The following IGSF23 variants were observed in gnomAD, a reference collection of about 807,000 sequenced individuals.
IGSF23 encodes immunoglobulin superfamily member 23, also known as immunoglobulin superfamily, member 23.
IGSF23 carries 14 observed loss-of-function variants against 17.8 expected under a neutral mutation model. The observed-to-expected ratio is 0.79, with a 90% CI of 0.52 to 1.23. IGSF23 has a LOEUF of 1.23. Ranked by LOEUF, IGSF23 falls within the 50% of genes most tolerant of loss-of-function variation. The pLI is 0.00. For missense variants in IGSF23, 214 were observed against 241.7 expected (o/e 0.89, Z 0.76); for synonymous variants, 85 against 92.5 (o/e 0.92, Z 0.46).
In IGSF23 at chr19:44,627,667, A is replaced by C. The variant is rs1287526293; in HGVS notation, c.545+94A>C. On this transcript the variant is annotated intron_variant, in intron 3 of 4. Coordinates refer to ENST00000402988, the MANE Select transcript of IGSF23 (RefSeq NM_001205280.2). ...TCAACAAGGAAACAGAGATGAAACC[A>C]ACACCCCCATCAGGGAGGGTGATAG... 9.5e-6 allele frequency: 13 copies of C among 1,375,034 alleles called. No homozygotes were observed. In the African/African-American group the frequency reaches 1.9e-4, roughly 20 times the overall value. The allele number at this position is 1,375,034 out of a possible 1,614,324, so 85.2% of individuals were successfully genotyped here.
At chr19:44,615,184 A>G (rs905220176) in intron 1 of IGSF23, among the ~76,000 whole-genome samples, 1 of 151,960 alleles carries the variant, frequency 6.6e-6, no homozygotes, top group Admixed American at 6.6e-5. Flanking sequence ...AGCTACTCAG[A>G]AGGCTGAGGC....
At chr19:44,631,859 G>T (rs944542550) in intron 3 of IGSF23, among the ~76,000 whole-genome samples, 7 of 152,164 alleles carry the variant, frequency 4.6e-5, no homozygotes, top group African/African-American at 1.7e-4. Context: ...GGTGTTCCTT[G>T]CCCTCATTCC....
At chr19:44,629,924 C>G (rs1355270840) in intron 3 of IGSF23, among the ~76,000 whole-genome samples, 2 of 152,104 alleles carry the variant, frequency 1.3e-5, no homozygotes, top group African/African-American at 4.8e-5. Context: ...CCAAGCATTA[C>G]TCTATTTAAT....
intron 1 of IGSF23, chr19:44,614,030 A>C: frequency 6.9e-7 from 1 of 1,451,974 alleles, no homozygotes. Context: ...GGCCAGGGAC[A>C]AGGAGGAGAG....
At chr19:44,621,060 T>C (rs1426910810) in intron 1 of IGSF23, among the ~76,000 whole-genome samples, 2 of 151,994 alleles carry the variant, frequency 1.3e-5, no homozygotes, top group African/African-American at 4.8e-5. Flanking sequence ...GGTGAGAGGA[T>C]TGCTTGAGCT....
intron 1 of IGSF23, among the ~76,000 whole-genome samples, chr19:44,617,170 C>T (rs1972401098): frequency 7.3e-6 from 1 of 137,520 alleles, no homozygotes; most frequent in Non-Finnish European, 1.6e-5. Context: ...CCCCCGCCCC[C>T]GCAAAGTGCA....
chr19:44,634,664 T>C (rs1374771239), intron 3 of IGSF23, among the ~76,000 whole-genome samples: 1 of 152,052 alleles, frequency 6.6e-6, no homozygotes, highest in East Asian at 1.9e-4. Context: ...TTATGGCCAG[T>C]TTTGGGGCCA....
intron 1 of IGSF23, among the ~76,000 whole-genome samples, chr19:44,617,663 T>C (rs1169462521): frequency 6.6e-6 from 1 of 152,238 alleles, no homozygotes; most frequent in Non-Finnish European, 1.5e-5. Flanking sequence ...TAACCCTTTA[T>C]TATTTCTAAA....
chr19:44,618,181 G>A, intron 1 of IGSF23: 1 of 471,108 alleles, frequency 2.1e-6, no homozygotes, highest in Non-Finnish European at 4.4e-6. Context: ...CCTGTCCCCG[G>A]AAGGCTTGAA....
chr19:44,616,620 C>T (rs1381021840), intron 1 of IGSF23, among the ~76,000 whole-genome samples: 1 of 150,562 alleles, frequency 6.6e-6, no homozygotes, highest in Non-Finnish European at 1.5e-5. Context: ...TCACTTGAAC[C>T]CGGGAGGTGG....
intron 3 of IGSF23, among the ~76,000 whole-genome samples, chr19:44,629,983 T>A (rs1972732182): frequency 6.6e-6 from 1 of 152,082 alleles, no homozygotes; most frequent in Admixed American, 6.5e-5. Flanking sequence ...GGTGAAGATC[T>A]CATTTCAGTC....
intron 3 of IGSF23, among the ~76,000 whole-genome samples, chr19:44,630,815 C>A (rs1407542490): frequency 6.6e-6 from 1 of 152,176 alleles, no homozygotes; most frequent in Non-Finnish European, 1.5e-5. Flanking sequence ...GCCTACCATG[C>A]CCACCAAGGG....
intron 3 of IGSF23, among the ~76,000 whole-genome samples, chr19:44,631,492 G>A (rs1167633767): frequency 6.6e-6 from 1 of 152,164 alleles, no homozygotes; most frequent in Non-Finnish European, 1.5e-5. Context: ...GGAGGCTGAG[G>A]CAGGAGAATC....
chr19:44,632,825 A>G (rs891921798), intron 3 of IGSF23, among the ~76,000 whole-genome samples: 2 of 152,236 alleles, frequency 1.3e-5, no homozygotes, highest in Non-Finnish European at 2.9e-5. Flanking sequence ...TCAATTGTGT[A>G]TGGGCTGTCC....
intron 3 of IGSF23, among the ~76,000 whole-genome samples, chr19:44,634,137 G>A (rs995448593): frequency 6.6e-6 from 1 of 152,208 alleles, no homozygotes; most frequent in African/African-American, 2.4e-5. Flanking sequence ...ACTACCGGCT[G>A]TGGCGGGGGA....
intron 3 of IGSF23, among the ~76,000 whole-genome samples, chr19:44,628,060 T>C (rs1195832783): frequency 6.6e-6 from 1 of 151,552 alleles, no homozygotes; most frequent in Non-Finnish European, 1.5e-5. Context: ...TTCTCCTGCC[T>C]CAGCCTCCTG....
intron 1 of IGSF23, 165 bp downstream of exon 1, chr19:44,613,935 G>T: frequency 6.5e-7 from 1 of 1,546,662 alleles, no homozygotes; most frequent in Non-Finnish European, 8.7e-7. Flanking sequence ...GAGATGAGGG[G>T]TCCTCTGGAC....
intron 1 of IGSF23, among the ~76,000 whole-genome samples, chr19:44,622,459 G>T (rs1169473840): frequency 6.6e-6 from 1 of 152,104 alleles, no homozygotes; most frequent in South Asian, 2.1e-4. Context: ...ACTAGACCAC[G>T]AAGCCTGGCC....
At chr19:44,623,609 C>A in intron 1 of IGSF23, 98 bp from the exon 2 acceptor site, 3 of 1,201,642 alleles carry the variant, frequency 2.5e-6, no homozygotes, top group Non-Finnish European at 3.5e-6. Context: ...TGAATGAACA[C>A]ATGAAAGAAT....
Sources: gnomAD v4.1 joint callset for allele counts (sites outside exome capture counted in the v4.1 genomes callset) on GRCh38, gnomAD v4.1.1 for gene constraint, MANE v1.5 for transcripts, NCBI Gene and HGNC (gene_info 2026-07-23, HGNC 2026-07-21) for gene names.